CACNB2: variants seen among roughly 807,000 people sequenced by gnomAD.
CACNB2 encodes calcium voltage-gated channel auxiliary subunit beta 2, also known as voltage-dependent L-type calcium channel subunit beta-2.
Under a neutral mutation model 73.3 loss-of-function variants are expected in CACNB2, and 42 were observed. That is an observed-to-expected ratio of 0.57 (90% CI 0.45 to 0.74). The LOEUF (loss-of-function observed/expected upper bound fraction) is 0.74, where lower values mean the gene tolerates loss of function less well. CACNB2 is among the 30% of genes least tolerant of loss of function. CACNB2 has a pLI of 0.00. For synonymous variants in CACNB2, 348 were observed against 310.3 expected (o/e 1.12, Z -1.28); for missense variants, 940 against 853.0 (o/e 1.10, Z -1.27).
rs1484785379 is a variant in CACNB2, at chr10:18,183,486, A to G, written c.213+32511A>G. Among the ~76,000 whole-genome samples the G allele has an allele frequency of 3.3e-5, 5 of 152,300 alleles. No individual in the cohort carries two copies. In the East Asian group the frequency reaches 9.6e-4, roughly 29 times the overall value. ...AGGTTTAATTGACTCCCAGTTCCAC[A>G]TGGCTGGGGAGGCCTCACAATCATG... On this transcript the variant is annotated intron_variant, in intron 2 of 13. Transcript: ENST00000324631.
At chr10:18,390,888 G>T (rs1163973570) in intron 2 of CACNB2, among the ~76,000 whole-genome samples, 1 of 152,212 alleles carries the variant, frequency 6.6e-6, no homozygotes, top group African/African-American at 2.4e-5. Context: ...GAATTAGCCA[G>T]AGAATTATTT....
Position 18,527,701 on chromosome 10 carries a change from A to G in CACNB2, c.1054+4A>G, listed in dbSNP as rs1234529158. ...TCCAACACAAGGTCAAGCTTAGGTAAGTCTGTGCAATGAGCTTAAGCTTTT... is the reference window on the plus strand; with the variant it reads ...TCCAACACAAGGTCAAGCTTAGGTAGGTCTGTGCAATGAGCTTAAGCTTTT... On this transcript the variant is annotated splice_donor_region_variant and intron_variant, in intron 10 of 13. Transcript: ENST00000324631. The G allele has an allele frequency of 6.3e-7, 1 of 1,579,164 alleles. No individual in the cohort carries two copies. Among genetic ancestry groups the G allele is most frequent in the Admixed American group, 1.7e-5 (1 of 59,978 alleles).
chr10:18,442,823 T>TA (rs201439887), intron 3 of CACNB2, among the ~76,000 whole-genome samples: 12,865 of 130,338 alleles, frequency 0.099, 856 homozygotes, highest in Admixed American at 0.19. Context: ...GACTCCACCT[T>TA]AAAAAAAAAA....
At chr10:18,204,397 T>A (rs1352352996) in intron 2 of CACNB2, among the ~76,000 whole-genome samples, 1 of 152,224 alleles carries the variant, frequency 6.6e-6, no homozygotes, top group Non-Finnish European at 1.5e-5. Context: ...GGACCTAACA[T>A]TATTTGTAGA....
intron 2 of CACNB2, among the ~76,000 whole-genome samples, chr10:18,286,377 G>A (rs1564404995): frequency 6.6e-6 from 1 of 151,856 alleles, no homozygotes; most frequent in Non-Finnish European, 1.5e-5. Flanking sequence ...AATTAGCCAG[G>A]CGCGGTGGCG....
chr10:18,284,296 G>C (rs1056223265), intron 2 of CACNB2, among the ~76,000 whole-genome samples: 4 of 152,144 alleles, frequency 2.6e-5, no homozygotes, highest in Admixed American at 2.6e-4. Flanking sequence ...AGCAGGGAAA[G>C]ACCCACCCCC....
At chr10:18,527,851 A>T (rs1222964292) in intron 10 of CACNB2, among the ~76,000 whole-genome samples, 154 bp downstream of exon 10, 5 of 152,224 alleles carry the variant, frequency 3.3e-5, no homozygotes, top group African/African-American at 1.2e-4. Flanking sequence ...TACTGATTTC[A>T]TGGTGTGGAA....
At chr10:18,321,511 C>G (rs1177119072) in intron 2 of CACNB2, among the ~76,000 whole-genome samples, 1 of 152,134 alleles carries the variant, frequency 6.6e-6, no homozygotes, top group Non-Finnish European at 1.5e-5. Context: ...CTTAGTTGTA[C>G]ATTTTTAAAT....
chr10:18,303,805 G>T (rs1469608712), intron 2 of CACNB2, among the ~76,000 whole-genome samples: 1 of 152,162 alleles, frequency 6.6e-6, no homozygotes, highest in Non-Finnish European at 1.5e-5. Flanking sequence ...TTTCCAGTCC[G>T]TTCAGTGGGG....
At chr10:18,323,440 T>G (rs2040468626) in intron 2 of CACNB2, among the ~76,000 whole-genome samples, 1 of 152,160 alleles carries the variant, frequency 6.6e-6, no homozygotes, top group South Asian at 2.1e-4. Context: ...GATATTTGTA[T>G]AATATTCCAT....
chr10:18,281,147 TG>T (rs761030438), intron 2 of CACNB2, among the ~76,000 whole-genome samples: 8 of 152,176 alleles, frequency 5.3e-5, no homozygotes, highest in Non-Finnish European at 1.0e-4. Context: ...GGTGTAGACA[TG>T]TTCAAACAAG....
At chr10:18,271,635 G>T (rs575338815) in intron 2 of CACNB2, among the ~76,000 whole-genome samples, 3 of 152,074 alleles carry the variant, frequency 2.0e-5, no homozygotes, top group Non-Finnish European at 4.4e-5. Context: ...TCCTTCTCCC[G>T]GTGGCAGCAC....
At chr10:18,343,152 A>G (rs139762074) in intron 2 of CACNB2, among the ~76,000 whole-genome samples, 291 of 152,308 alleles carry the variant, frequency 1.9e-3, no homozygotes, top group Non-Finnish European at 2.6e-3. Flanking sequence ...TGCATAATTT[A>G]TTTATGAATC....
chr10:18,543,150 A>G lies in CACNB2; in HGVS notation c.*3426A>G, dbSNP rs2054136429. ...AGAGCTGGCTTCTGCACTGTTTATT[A>G]GTAGTAGTATTAATTGCCATGTTAG... is the stretch of plus-strand genomic sequence containing the variant. On this transcript the variant is annotated 3_prime_UTR_variant, in exon 14 of 14. Transcript: ENST00000324631. 6.6e-6 allele frequency: 1 copy of G among 152,200 alleles called. No individual in the cohort carries two copies. The highest frequency in any genetic ancestry group is 6.5e-5 in the Admixed American group (1 of 15,272). The allele number at this position is 152,200 out of a possible 1,614,324, so 9.4% of individuals were successfully genotyped here.
chr10:18,245,462 C>G (rs1370813213), intron 2 of CACNB2, among the ~76,000 whole-genome samples: 1 of 152,082 alleles, frequency 6.6e-6, no homozygotes, highest in Non-Finnish European at 1.5e-5. Flanking sequence ...CTGGGACTTA[C>G]AGGCATGCAC....
chr10:18,361,316 C>T (rs1273704518), intron 2 of CACNB2, among the ~76,000 whole-genome samples: 1 of 149,386 alleles, frequency 6.7e-6, no homozygotes, highest in Non-Finnish European at 1.5e-5. Context: ...TTAATGAAGC[C>T]CTGTCTCTAC....
chr10:18,477,065 G>A (rs200959758), intron 3 of CACNB2, among the ~76,000 whole-genome samples: 26 of 152,186 alleles, frequency 1.7e-4, no homozygotes, highest in East Asian at 9.6e-4. Context: ...AGAAAAAGGA[G>A]GGGGAGGGTA....
At chr10:18,353,822 ACT>A (rs1436114017) in intron 2 of CACNB2, among the ~76,000 whole-genome samples, 4 of 152,214 alleles carry the variant, frequency 2.6e-5, no homozygotes, top group Non-Finnish European at 5.9e-5. Context: ...TAGTCTGCTA[ACT>A]CTGACAAAAG....
In CACNB2 at chr10:18,152,722, AAAAAAAAAAACAAAAAAC is replaced by A. The variant is rs1310895578; in HGVS notation, c.213+1752_213+1769del. Among the ~76,000 whole-genome samples, 1,207 of 133,596 alleles carry A rather than the reference AAAAAAAAAAACAAAAAAC, an allele frequency of 9.0e-3. 29 individuals are homozygous for A. The highest frequency in any genetic ancestry group is 0.035 in the African/African-American group (1,115 of 31,454). 87.6% of individuals were successfully genotyped at this position (133,596 alleles called of 152,430 possible). ...CCTGAAACAGACCAAAAAAAAAAAA[AAAAAAAAAAACAAAAAAC>A]AAAACACTAGCTCCTTAGTGTGCAT... On this transcript the variant is annotated intron_variant, in intron 2 of 13. Transcript: ENST00000324631.
Sources: gnomAD v4.1 joint callset for allele counts (sites outside exome capture counted in the v4.1 genomes callset) on GRCh38, gnomAD v4.1.1 for gene constraint, MANE v1.5 for transcripts, NCBI Gene and HGNC (gene_info 2026-07-23, HGNC 2026-07-21) for gene names.